Variants in SSH2 observed in about 807,000 individuals in gnomAD.
SSH2 encodes protein phosphatase Slingshot homolog 2.
A neutral mutation model predicts 135.2 loss-of-function variants in SSH2; 37 were observed. That is an observed-to-expected ratio of 0.27 (90% CI 0.21 to 0.36). The LOEUF is 0.36. Among genes scored for constraint, SSH2 ranks in the 10% least tolerant of loss-of-function variants. The pLI is 1.00. For missense variants in SSH2, 1,408 were observed against 1,765.3 expected, an observed-to-expected ratio of 0.80 and a Z score of 3.63; for synonymous variants, 628 against 646.2, an observed-to-expected ratio of 0.97 and a Z score of 0.43.
intron 2 of SSH2, among the ~76,000 whole-genome samples, chr17:29,835,582 G>C (rs941304423): frequency 2.0e-5 from 3 of 152,218 alleles, no homozygotes; most frequent in African/African-American, 7.2e-5. Flanking sequence ...AGACCAGGAA[G>C]TAAGATGTTG....
At chr17:29,712,314 T>C (rs1297919118) in intron 3 of SSH2, among the ~76,000 whole-genome samples, 1 of 152,212 alleles carries the variant, frequency 6.6e-6, no homozygotes, top group Non-Finnish European at 1.5e-5. Context: ...AGTAGCTATC[T>C]TTTTAGGAAT....
At chr17:29,743,111 T>C (rs1350243623) in intron 3 of SSH2, among the ~76,000 whole-genome samples, 1 of 152,122 alleles carries the variant, frequency 6.6e-6, no homozygotes, top group African/African-American at 2.4e-5. Context: ...TTTGTATTTT[T>C]AGTAGAGGTG....
chr17:29,648,838 A>T (rs1477184310), intron 13 of SSH2, among the ~76,000 whole-genome samples: 1 of 152,086 alleles, frequency 6.6e-6, no homozygotes, highest in Non-Finnish European at 1.5e-5. Context: ...CTCTACTAAA[A>T]ATACAAAAAT....
chr17:29,872,120 T>C (rs1429594820), intron 1 of SSH2, among the ~76,000 whole-genome samples: 1 of 152,218 alleles, frequency 6.6e-6, no homozygotes, highest in Non-Finnish European at 1.5e-5. Flanking sequence ...GTTTTCAAAG[T>C]TATTAAAGGG....
At chr17:29,710,580 G>A (rs574918607) in intron 3 of SSH2, among the ~76,000 whole-genome samples, 2 of 152,262 alleles carry the variant, frequency 1.3e-5, no homozygotes, top group South Asian at 4.1e-4. Flanking sequence ...CAGATTCAAG[G>A]TGCTAGGACA....
intron 5 of SSH2, among the ~76,000 whole-genome samples, chr17:29,689,039 T>C (rs907796241): frequency 6.6e-6 from 1 of 151,944 alleles, no homozygotes; most frequent in Non-Finnish European, 1.5e-5. Flanking sequence ...GTGTCTATAA[T>C]CCCAGCTACT....
At chr17:29,890,669 T>C (rs1341005660) in intron 1 of SSH2, among the ~76,000 whole-genome samples, 1 of 152,174 alleles carries the variant, frequency 6.6e-6, no homozygotes, top group Non-Finnish European at 1.5e-5. Context: ...GGGGTTTCTT[T>C]CTGAGGTGAT....
At position 29,627,101 on chromosome 17, in the gene SSH2, G is replaced by A. The variant is rs928136038; in HGVS notation, c.*3740C>T. 8.5e-5 allele frequency: 13 copies of A among 152,560 alleles called. No homozygotes were observed. Among genetic ancestry groups the A allele is most frequent in the Non-Finnish European group, 1.9e-4 (13 of 68,048 alleles). 9.5% of individuals were successfully genotyped at this position (152,560 alleles called of 1,614,324 possible). A position where few individuals can be genotyped will look rare whatever the true frequency, so the allele number is the denominator to read the frequency against. On this transcript the variant is annotated 3_prime_UTR_variant, in exon 16 of 16. Coordinates refer to ENST00000540801, the MANE Select transcript of SSH2 (RefSeq NM_001282129.2). The stretch of plus-strand genomic sequence containing the variant: ...TGACCATGATGGCCCTGCTCTGCAT[G>A]AGGACTCACAGGACAGCCAGGGCAC...
At chr17:29,752,564 T>C (rs541192786) in intron 3 of SSH2, among the ~76,000 whole-genome samples, 2 of 152,100 alleles carry the variant, frequency 1.3e-5, no homozygotes, top group Non-Finnish European at 2.9e-5. Flanking sequence ...AATGTAAACA[T>C]GCCAGAAAAA....
intron 5 of SSH2, among the ~76,000 whole-genome samples, chr17:29,690,365 A>T (rs1306657954): frequency 6.7e-6 from 1 of 149,938 alleles, no homozygotes; most frequent in Non-Finnish European, 1.5e-5. Context: ...AGATTGCGCC[A>T]TTGTACTCCA....
chr17:29,714,907 C>T (rs2039566055), intron 3 of SSH2, among the ~76,000 whole-genome samples: 2 of 152,048 alleles, frequency 1.3e-5, no homozygotes, highest in Admixed American at 6.6e-5. Flanking sequence ...TGCCCTATCA[C>T]CCAGGCTGAA....
intron 3 of SSH2, chr17:29,716,323 A>G (rs1007630622): frequency 1.1e-5 from 5 of 455,334 alleles, no homozygotes; most frequent in African/African-American, 6.1e-5. Flanking sequence ...TTTTCTGATC[A>G]TTTTCTTTCA....
chr17:29,709,353 C>T (rs1433414284), intron 3 of SSH2, among the ~76,000 whole-genome samples: 1 of 152,114 alleles, frequency 6.6e-6, no homozygotes, highest in East Asian at 1.9e-4. Context: ...GTCTTACCTA[C>T]ACACCTTTTC....
intron 14 of SSH2, among the ~76,000 whole-genome samples, chr17:29,641,927 T>C (rs1567836735): frequency 7.1e-6 from 1 of 139,892 alleles, no homozygotes; most frequent in African/African-American, 2.7e-5. Context: ...CTGGGCAATA[T>C]AGACATTGTC....
At chr17:29,895,301 T>C (rs1255388310) in intron 1 of SSH2, among the ~76,000 whole-genome samples, 3 of 107,922 alleles carry the variant, frequency 2.8e-5, no homozygotes, top group Non-Finnish European at 5.2e-5. Flanking sequence ...ACATTTTATA[T>C]ATGAAATATA....
In SSH2 at chr17:29,761,183, T is replaced by C. The variant is rs933278692; in HGVS notation, c.188+32711A>G. 1.8e-5 allele frequency: 23 copies of C among 1,289,644 alleles called. No individual in the cohort carries two copies. The Admixed American group carries it at 3.9e-4, about 22-fold the overall frequency. 79.9% of individuals were successfully genotyped at this position (1,289,644 alleles called of 1,614,324 possible). ...GATGGCGTTCTGCGAGATGACCGCGTTGGCGGAGAAGTAAGGAATCATGTC... is the reference window on the plus strand; with the variant it reads ...GATGGCGTTCTGCGAGATGACCGCGCTGGCGGAGAAGTAAGGAATCATGTC... On this transcript the variant is annotated intron_variant, in intron 3 of 15. Coordinates refer to ENST00000540801, the MANE Select transcript of SSH2 (RefSeq NM_001282129.2).
chr17:29,673,734 C>CATATGTAT (rs2037591818), intron 8 of SSH2, among the ~76,000 whole-genome samples: 1 of 152,090 alleles, frequency 6.6e-6, no homozygotes, highest in Non-Finnish European at 1.5e-5. Context: ...GTCTTTTTGG[C>CATATGTAT]TATGCATAGA....
chr17:29,751,987 A>G (rs776209178), intron 3 of SSH2, among the ~76,000 whole-genome samples: 7 of 152,296 alleles, frequency 4.6e-5, no homozygotes, highest in Non-Finnish European at 8.8e-5. Flanking sequence ...ATGCCCATGA[A>G]TATACCTAAT....
At chr17:29,710,528 T>G (rs1469693572) in intron 3 of SSH2, among the ~76,000 whole-genome samples, 1 of 152,242 alleles carries the variant, frequency 6.6e-6, no homozygotes, top group Admixed American at 6.5e-5. Context: ...CCCAATATTT[T>G]TCTCCTCCTG....
Sources: allele counts gnomAD v4.1 joint callset (sites outside exome capture counted in the v4.1 genomes callset), GRCh38; gene constraint gnomAD v4.1.1; transcripts MANE v1.5; gene names NCBI Gene and HGNC (gene_info 2026-07-23, HGNC 2026-07-21).